The following FAT3 variants were observed in gnomAD, a reference collection of about 807,000 sequenced individuals.
The protein encoded by FAT3 is FAT atypical cadherin 3.
Under a neutral mutation model 310.2 loss-of-function variants are expected in FAT3, and 95 were observed. That is an observed-to-expected ratio of 0.31 (90% confidence interval 0.26 to 0.36). FAT3 has a LOEUF of 0.36. Ranked by LOEUF, FAT3 falls within the 10% of genes least tolerant of loss-of-function variation. The pLI is 1.00. For missense variants in FAT3, 5,408 were observed against 5,715.6 expected (o/e 0.95, Z 1.74); for synonymous variants, 2,314 against 2,192.9 (o/e 1.06, Z -1.54).
intron 1 of FAT3, among the ~76,000 whole-genome samples, chr11:92,292,966 T>C (rs1651148928): frequency 6.7e-6 from 1 of 148,256 alleles, no homozygotes; most frequent in African/African-American, 2.5e-5. Context: ...TGGACAATGA[T>C]TGCACTTGTG....
chr11:92,657,203 A>G (rs1457943227), intron 3 of FAT3, among the ~76,000 whole-genome samples: 3 of 152,166 alleles, frequency 2.0e-5, no homozygotes, highest in African/African-American at 7.2e-5. Context: ...CCAGAATGGG[A>G]TTGGGCTGAT....
chr11:92,602,767 T>C (rs1940092871), intron 3 of FAT3, among the ~76,000 whole-genome samples: 2 of 152,222 alleles, frequency 1.3e-5, no homozygotes, highest in African/African-American at 2.4e-5. Flanking sequence ...GGCTGCTTCA[T>C]TGATATCTAG....
chr11:92,309,994 A>C (rs1331072232), intron 1 of FAT3, among the ~76,000 whole-genome samples: 1 of 151,944 alleles, frequency 6.6e-6, no homozygotes, highest in African/African-American at 2.4e-5. Context: ...TGAAGGAAAA[A>C]TAACCTTGGC....
rs1419449073 is a variant in FAT3 at position 92,889,163 on chromosome 11, C to T, written c.13052-26C>T. ...TAACCTGAAGCTGTCCTTCCCCTAC[C>T]TCCGACTTCTTTTCCTGACCACAAG... On this transcript the variant is annotated intron_variant, in intron 25 of 27. Transcript: ENST00000525166. 2.7e-5 allele frequency: 19 copies of T among 702,902 alleles called. 1 individual carries two copies. The East Asian group carries it at 5.2e-4, about 19-fold the overall frequency. The allele number at this position is 702,902 out of a possible 1,614,324, so 43.5% of individuals were successfully genotyped here. A position where few individuals can be genotyped will look rare whatever the true frequency, so the allele number is the denominator to read the frequency against.
intron 3 of FAT3, among the ~76,000 whole-genome samples, chr11:92,619,962 TA>T (rs1229345183): frequency 6.6e-6 from 1 of 152,124 alleles, no homozygotes; most frequent in Non-Finnish European, 1.5e-5. Context: ...TTATAGCTAT[TA>T]AAAAAGTCAT....
intron 7 of FAT3, among the ~76,000 whole-genome samples, chr11:92,787,822 T>G (rs1946934568): frequency 6.6e-6 from 1 of 151,918 alleles, no homozygotes; most frequent in African/African-American, 2.4e-5. Context: ...AATAAAGCAA[T>G]GAATAATTTT....
intron 21 of FAT3, among the ~76,000 whole-genome samples, chr11:92,865,605 AT>A (rs760154644): frequency 6.6e-5 from 10 of 152,210 alleles, no homozygotes; most frequent in Non-Finnish European, 1.2e-4. Flanking sequence ...TTGGCTGTGA[AT>A]CCCTTCATGA....
chr11:92,234,722 T>G (rs1227650254), intron 1 of FAT3, among the ~76,000 whole-genome samples: 1 of 151,900 alleles, frequency 6.6e-6, no homozygotes, highest in East Asian at 1.9e-4. Flanking sequence ...ACCAACATGG[T>G]GAAACCGTAT....
intron 3 of FAT3, among the ~76,000 whole-genome samples, chr11:92,621,206 G>T (rs1242937233): frequency 1.3e-5 from 2 of 152,048 alleles, no homozygotes; most frequent in Non-Finnish European, 2.9e-5. Flanking sequence ...GTGATCACGT[G>T]TCTCCTTCCC....
At chr11:92,256,283 A>G (rs957694213) in intron 1 of FAT3, among the ~76,000 whole-genome samples, 1 of 151,892 alleles carries the variant, frequency 6.6e-6, no homozygotes, top group African/African-American at 2.4e-5. Flanking sequence ...ACGAGTATAC[A>G]CTATTTAATC....
intron 2 of FAT3, among the ~76,000 whole-genome samples, chr11:92,456,969 G>T (rs1032846256): frequency 6.6e-6 from 1 of 152,156 alleles, no homozygotes; most frequent in Non-Finnish European, 1.5e-5. Context: ...GCCTAGGCAG[G>T]CCTGTTGTCC....
At chr11:92,843,118 G>C (rs1397443656) in intron 18 of FAT3, among the ~76,000 whole-genome samples, 1 of 151,716 alleles carries the variant, frequency 6.6e-6, no homozygotes, top group Non-Finnish European at 1.5e-5. Flanking sequence ...GGGTGACAGA[G>C]ACAAGATTCA....
At chr11:92,466,234 C>T (rs1951757542) in intron 2 of FAT3, among the ~76,000 whole-genome samples, 1 of 152,070 alleles carries the variant, frequency 6.6e-6, no homozygotes, top group Non-Finnish European at 1.5e-5. Context: ...ACATTTTTGT[C>T]TCCAAATATA....
At chr11:92,664,642 T>C (rs966341500) in intron 3 of FAT3, among the ~76,000 whole-genome samples, 2 of 152,192 alleles carry the variant, frequency 1.3e-5, no homozygotes, top group Non-Finnish European at 2.9e-5. Context: ...TATGACTCTT[T>C]AAAGAAAAAT....
intron 19 of FAT3, among the ~76,000 whole-genome samples, chr11:92,855,984 T>C (rs1168743032): frequency 3.3e-5 from 5 of 149,768 alleles, no homozygotes; most frequent in African/African-American, 1.2e-4. Context: ...AATATGCTTT[T>C]TTTTTTTTTT....
chr11:92,436,168 G>A (rs1251484796), intron 2 of FAT3, among the ~76,000 whole-genome samples: 2 of 151,908 alleles, frequency 1.3e-5, no homozygotes, highest in Non-Finnish European at 2.9e-5. Flanking sequence ...ACCCAGGCTG[G>A]AGCGTAGTGG....
chr11:92,414,059 G>A (rs1363327040), intron 2 of FAT3, among the ~76,000 whole-genome samples: 3 of 151,992 alleles, frequency 2.0e-5, no homozygotes, highest in Admixed American at 6.6e-5. Flanking sequence ...TGCCTTATGC[G>A]CCCTTCTTTG....
chr11:92,807,923 T>G (rs1947552615), intron 12 of FAT3, among the ~76,000 whole-genome samples: 1 of 152,200 alleles, frequency 6.6e-6, no homozygotes, highest in African/African-American at 2.4e-5. Flanking sequence ...TTGGCTGGCT[T>G]GCATATTTCC....
In FAT3 at chr11:92,322,133, A is replaced by G. The variant is rs577924026; in HGVS notation, c.-17-29963A>G. 2.9e-4 allele frequency among the ~76,000 whole-genome samples: 44 copies of G among 152,286 alleles called. No homozygotes were observed. In the South Asian group the frequency reaches 8.5e-3, roughly 29 times the overall value. ...CCACACCAATACAGCCCTACCTTGG[A>G]GATAGTGTGGGTTCAGGTCCAGACT... On this transcript the variant is annotated intron_variant, in intron 1 of 27. Transcript: ENST00000525166.
Sources: gnomAD v4.1 joint callset for allele counts (sites outside exome capture counted in the v4.1 genomes callset) on GRCh38, gnomAD v4.1.1 for gene constraint, MANE v1.5 for transcripts, NCBI Gene and HGNC (gene_info 2026-07-23, HGNC 2026-07-21) for gene names.